Variants in BRINP3 observed in about 807,000 individuals in gnomAD.
The protein encoded by BRINP3 is BMP/retinoic acid inducible neural specific 3, also known as BMP/retinoic acid-inducible neural-specific protein 3.
Under a neutral mutation model 71.0 loss-of-function variants are expected in BRINP3, and 19 were observed. The observed-to-expected ratio is 0.27, with a 90% CI of 0.19 to 0.39. The LOEUF (loss-of-function observed/expected upper bound fraction) is 0.39. Ranked by LOEUF, BRINP3 falls within the 10% of genes least tolerant of loss-of-function variation. BRINP3 has a pLI of 1.00. For missense variants in BRINP3, 959 were observed against 940.8 expected (o/e 1.02, Z -0.25); for synonymous variants, 380 against 337.7 (o/e 1.13, Z -1.37).
Position 190,229,645 on chromosome 1 carries a change from AACACACAC to A in BRINP3, c.725-3335_725-3328del, listed in dbSNP as rs71794093. Among the ~76,000 whole-genome samples the A allele has an allele frequency of 8.6e-3, 1,149 of 133,508 alleles. 6 individuals carry two copies. Among genetic ancestry groups the A allele is most frequent in the South Asian group, 0.027 (109 of 4,010 alleles). 87.6% of individuals were successfully genotyped at this position (133,508 alleles called of 152,430 possible). A position where few individuals can be genotyped will look rare whatever the true frequency, so the allele number is the denominator to read the frequency against. ...CCCAGAGTAAAGAAAAACAAAACAAAACACACACACACACACACACACACACACACACA... is the reference window on the plus strand; with the variant it reads ...CCCAGAGTAAAGAAAAACAAAACAAAACACACACACACACACACACACACA... On this transcript the variant is annotated intron_variant, in intron 5 of 7. Coordinates refer to ENST00000367462, the MANE Select transcript of BRINP3 (RefSeq NM_199051.3).
At chr1:190,476,529 C>T (rs981864181) in intron 1 of BRINP3, among the ~76,000 whole-genome samples, 1 of 152,134 alleles carries the variant, frequency 6.6e-6, no homozygotes, top group Non-Finnish European at 1.5e-5. Flanking sequence ...AGGTGATAAT[C>T]TTGTCAGTTA....
At chr1:190,165,091 G>A (rs1558026035) in intron 6 of BRINP3, among the ~76,000 whole-genome samples, 1 of 151,184 alleles carries the variant, frequency 6.6e-6, no homozygotes, top group African/African-American at 2.4e-5. Flanking sequence ...AATATCTAAC[G>A]AAATACATAA....
chr1:190,378,156 C>T (rs944142599), intron 2 of BRINP3, among the ~76,000 whole-genome samples: 1 of 152,124 alleles, frequency 6.6e-6, no homozygotes, highest in Admixed American at 6.6e-5. Context: ...AAATTACCTC[C>T]TTCTAGACAG....
At chr1:190,197,665 A>G (rs1654614464) in intron 6 of BRINP3, among the ~76,000 whole-genome samples, 1 of 152,184 alleles carries the variant, frequency 6.6e-6, no homozygotes, top group Admixed American at 6.5e-5. Context: ...CACTTATGCA[A>G]GAGGTGGGCT....
intron 7 of BRINP3, among the ~76,000 whole-genome samples, chr1:190,148,152 T>G (rs1318030664): frequency 6.6e-6 from 1 of 152,196 alleles, no homozygotes; most frequent in African/African-American, 2.4e-5. Flanking sequence ...TGCTTGGTGC[T>G]GAGTCTTTTT....
At chr1:190,364,347 TA>T (rs1283689762) in intron 2 of BRINP3, among the ~76,000 whole-genome samples, 1 of 152,126 alleles carries the variant, frequency 6.6e-6, no homozygotes, top group Non-Finnish European at 1.5e-5. Flanking sequence ...TGTGTGGTCT[TA>T]TCTAAATGTT....
chr1:190,259,748 G>T (rs929293398), intron 4 of BRINP3, among the ~76,000 whole-genome samples: 1 of 151,952 alleles, frequency 6.6e-6, no homozygotes, highest in Non-Finnish European at 1.5e-5. Flanking sequence ...TCTCAAAGAA[G>T]GCCAGGCATG....
At chr1:190,424,428 T>C (rs1177522041) in intron 2 of BRINP3, among the ~76,000 whole-genome samples, 1 of 151,594 alleles carries the variant, frequency 6.6e-6, no homozygotes, top group Non-Finnish European at 1.5e-5. Context: ...AGAGTCTTTG[T>C]ACAAAGGGAA....
intron 2 of BRINP3, among the ~76,000 whole-genome samples, chr1:190,400,805 T>G (rs2102354368): frequency 6.6e-6 from 1 of 152,330 alleles, no homozygotes; most frequent in South Asian, 2.1e-4. Context: ...GAAGGTAATC[T>G]TAATTCCCTT....
intron 7 of BRINP3, among the ~76,000 whole-genome samples, chr1:190,125,502 TAATG>T (rs1262258676): frequency 6.6e-6 from 1 of 152,010 alleles, no homozygotes; most frequent in African/African-American, 2.4e-5. Context: ...TTTTTGATAA[TAATG>T]AAGAAATAAG....
intron 2 of BRINP3, among the ~76,000 whole-genome samples, chr1:190,345,821 TTC>T (rs1451418542): frequency 6.6e-6 from 1 of 151,820 alleles, no homozygotes; most frequent in Non-Finnish European, 1.5e-5. Flanking sequence ...ACAAAATATG[TTC>T]TTTCTTTAGA....
intron 2 of BRINP3, among the ~76,000 whole-genome samples, chr1:190,369,703 C>A (rs1054332272): frequency 6.6e-6 from 1 of 151,710 alleles, no homozygotes; most frequent in Non-Finnish European, 1.5e-5. Context: ...TATTTATGTA[C>A]TTTCTGTGAC....
chr1:190,136,388 C>T (rs1654980787), intron 7 of BRINP3, among the ~76,000 whole-genome samples: 1 of 152,090 alleles, frequency 6.6e-6, no homozygotes, highest in Non-Finnish European at 1.5e-5. Flanking sequence ...ACCTCTTAGG[C>T]TATGTACCTA....
chr1:190,341,603 A>G (rs1558197468), intron 2 of BRINP3, among the ~76,000 whole-genome samples: 1 of 151,846 alleles, frequency 6.6e-6, no homozygotes, highest in Non-Finnish European at 1.5e-5. Flanking sequence ...TTACAGAAGG[A>G]AACCATTACT....
chr1:190,263,827 A>T (rs1395749510), intron 4 of BRINP3, among the ~76,000 whole-genome samples: 1 of 151,954 alleles, frequency 6.6e-6, no homozygotes, highest in Non-Finnish European at 1.5e-5. Context: ...ACCTCAAGTG[A>T]TCCCCCCGCC....
chr1:190,433,425 C>G (rs1005986655), intron 2 of BRINP3, among the ~76,000 whole-genome samples: 1 of 152,134 alleles, frequency 6.6e-6, no homozygotes, highest in Non-Finnish European at 1.5e-5. Context: ...CATCATGTTA[C>G]TTGTCTTCCA....
intron 4 of BRINP3, among the ~76,000 whole-genome samples, chr1:190,235,534 A>G (rs1440560737): frequency 6.6e-6 from 1 of 152,018 alleles, no homozygotes; most frequent in Non-Finnish European, 1.5e-5. Context: ...AGAGCCTGTT[A>G]TAGGACAAGG....
At chr1:190,273,708 G>T (rs965858419) in intron 3 of BRINP3, among the ~76,000 whole-genome samples, 1 of 151,348 alleles carries the variant, frequency 6.6e-6, no homozygotes, top group Non-Finnish European at 1.5e-5. Context: ...GAGTCAATGA[G>T]AAATAGAAAT....
At chr1:190,326,872 C>A (rs1421663022) in intron 2 of BRINP3, among the ~76,000 whole-genome samples, 1 of 151,958 alleles carries the variant, frequency 6.6e-6, no homozygotes, top group African/African-American at 2.4e-5. Flanking sequence ...AGCCCACAGA[C>A]CCTAAAAAGA....
Sources: allele counts gnomAD v4.1 joint callset (sites outside exome capture counted in the v4.1 genomes callset), GRCh38; gene constraint gnomAD v4.1.1; transcripts MANE v1.5; gene names NCBI Gene and HGNC (gene_info 2026-07-23, HGNC 2026-07-21).